Variants in INPP4B observed in about 807,000 individuals in gnomAD.
The protein encoded by INPP4B is inositol polyphosphate-4-phosphatase type II B, also known as inositol polyphosphate 4-phosphatase type II.
In INPP4B, 55 loss-of-function variants were observed where a neutral mutation model predicts 122.5. That is an observed-to-expected ratio of 0.45 (90% CI 0.36 to 0.56). The LOEUF (loss-of-function observed/expected upper bound fraction) is 0.56. INPP4B is among the 20% of genes least tolerant of loss of function. INPP4B has a pLI of 0.00. For missense variants in INPP4B, 1,000 were observed against 1,097.7 expected, an observed-to-expected ratio of 0.91 and a Z score of 1.26; for synonymous variants, 403 against 388.7, an observed-to-expected ratio of 1.04 and a Z score of -0.43.
chr4:142,672,546 C>T (rs1757159680), intron 2 of INPP4B, among the ~76,000 whole-genome samples: 2 of 152,068 alleles, frequency 1.3e-5, no homozygotes, highest in African/African-American at 4.8e-5. Flanking sequence ...TATTTTCCAT[C>T]TTTATATCTC....
At chr4:142,596,963 C>T (rs899874019) in intron 2 of INPP4B, among the ~76,000 whole-genome samples, 1 of 152,144 alleles carries the variant, frequency 6.6e-6, no homozygotes, top group Non-Finnish European at 1.5e-5. Flanking sequence ...TACCCTCAAA[C>T]GAGCAACATC....
At chr4:142,707,420 A>G (rs909218985) in intron 2 of INPP4B, among the ~76,000 whole-genome samples, 8 of 152,138 alleles carry the variant, frequency 5.3e-5, no homozygotes, top group African/African-American at 1.9e-4. Context: ...TTTGTGTCCC[A>G]CTTATGTTGA....
chr4:142,574,500 T>G (rs1292643471), intron 2 of INPP4B, among the ~76,000 whole-genome samples: 1 of 152,048 alleles, frequency 6.6e-6, no homozygotes, highest in Non-Finnish European at 1.5e-5. Context: ...CTTGAGTCAC[T>G]TTCAGCCTTA....
At chr4:142,726,283 T>A (rs1765338525) in intron 1 of INPP4B, among the ~76,000 whole-genome samples, 1 of 152,218 alleles carries the variant, frequency 6.6e-6, no homozygotes, top group African/African-American at 2.4e-5. Flanking sequence ...TGGACTGAAA[T>A]GGAATTTAAA....
chr4:142,158,548 C>A (rs141680757), intron 17 of INPP4B, among the ~76,000 whole-genome samples: 1 of 152,204 alleles, frequency 6.6e-6, no homozygotes, highest in East Asian at 1.9e-4. Flanking sequence ...CAGTTCTGGA[C>A]GTAAAATTTT....
chr4:142,219,717 C>T (rs943528444), intron 12 of INPP4B, among the ~76,000 whole-genome samples: 1 of 152,178 alleles, frequency 6.6e-6, no homozygotes, highest in African/African-American at 2.4e-5. Context: ...CTGGATACCA[C>T]CCCTTTAAAT....
chr4:142,724,543 T>C (rs2150855411), intron 2 of INPP4B, among the ~76,000 whole-genome samples: 1 of 152,270 alleles, frequency 6.6e-6, no homozygotes, highest in East Asian at 1.9e-4. Flanking sequence ...CTTTATAATG[T>C]CCCTATTTGG....
At chr4:142,150,425 C>T (rs910218191) in intron 17 of INPP4B, among the ~76,000 whole-genome samples, 1 of 152,186 alleles carries the variant, frequency 6.6e-6, no homozygotes, top group Non-Finnish European at 1.5e-5. Flanking sequence ...TATTATCTTG[C>T]TAGGTCCCCT....
intron 3 of INPP4B, among the ~76,000 whole-genome samples, chr4:142,445,130 A>G (rs553311666): frequency 3.3e-5 from 5 of 152,252 alleles, no homozygotes; most frequent in Admixed American, 1.3e-4. Flanking sequence ...ATGTATACCT[A>G]TGTAACAAAC....
In INPP4B at chr4:142,023,814, T is replaced by A. The variant is rs1736199210; in HGVS notation, c.*4968A>T. On this transcript the variant is annotated 3_prime_UTR_variant, in exon 26 of 26. Transcript: ENST00000262992. ...ATTTATCAGGCAACATCACTTGTAT[T>A]AGGTCTTCCTTCCCTTGGTACTCAC... The A allele has an allele frequency of 6.6e-6, 1 of 152,184 alleles. No homozygotes were observed. The highest frequency in any genetic ancestry group is 1.5e-5 in the Non-Finnish European group (1 of 68,014). The allele number at this position is 152,184 out of a possible 1,614,324, so 9.4% of individuals were successfully genotyped here. A position where few individuals can be genotyped will look rare whatever the true frequency, so the allele number is the denominator to read the frequency against.
At chr4:142,256,365 T>C (rs1285177927) in intron 11 of INPP4B, among the ~76,000 whole-genome samples, 1 of 151,024 alleles carries the variant, frequency 6.6e-6, no homozygotes, top group African/African-American at 2.4e-5. Flanking sequence ...AGAGCAGAAC[T>C]GAAGGAAATA....
chr4:142,133,947 C>T (rs536753674), intron 18 of INPP4B, among the ~76,000 whole-genome samples: 33 of 152,160 alleles, frequency 2.2e-4, no homozygotes, highest in Non-Finnish European at 4.6e-4. Flanking sequence ...AACCCTTTTA[C>T]GTTGCTCTAT....
chr4:142,429,539 A>C (rs1808837584), intron 4 of INPP4B, among the ~76,000 whole-genome samples: 1 of 152,072 alleles, frequency 6.6e-6, no homozygotes, highest in Non-Finnish European at 1.5e-5. Flanking sequence ...CAATGTAGAC[A>C]GAAGTGGATC....
chr4:142,626,651 T>G (rs894768303), intron 2 of INPP4B, among the ~76,000 whole-genome samples: 2 of 152,016 alleles, frequency 1.3e-5, no homozygotes, highest in African/African-American at 4.8e-5. Flanking sequence ...ACACCCAGAC[T>G]TCTCACCTAT....
intron 2 of INPP4B, among the ~76,000 whole-genome samples, chr4:142,535,052 T>C (rs933169493): frequency 5.9e-5 from 9 of 152,200 alleles, no homozygotes; most frequent in Non-Finnish European, 2.9e-5. Flanking sequence ...TCAATTATCA[T>C]ACATTATCAA....
At chr4:142,665,535 G>T (rs114335791) in intron 2 of INPP4B, among the ~76,000 whole-genome samples, 1 of 147,110 alleles carries the variant, frequency 6.8e-6, no homozygotes, top group Non-Finnish European at 1.5e-5. Context: ...AAAAGAAAAA[G>T]AAACTTATTC....
chr4:142,362,761 C>T (rs923534353), intron 7 of INPP4B, among the ~76,000 whole-genome samples: 5 of 151,962 alleles, frequency 3.3e-5, no homozygotes, highest in African/African-American at 9.7e-5. Flanking sequence ...CACATGTTCT[C>T]ACTCATAAGT....
intron 9 of INPP4B, among the ~76,000 whole-genome samples, chr4:142,285,755 G>A (rs900080380): frequency 3.3e-5 from 5 of 152,028 alleles, no homozygotes; most frequent in Admixed American, 1.3e-4. Context: ...AGGATGATCC[G>A]CCATGCAGAT....
chr4:142,095,446 C>T (rs1039912096), intron 23 of INPP4B, among the ~76,000 whole-genome samples: 3 of 152,098 alleles, frequency 2.0e-5, no homozygotes, highest in African/African-American at 7.2e-5. Context: ...CACCTTTAAT[C>T]GTTTTTCTGT....
Sources: gnomAD v4.1 joint callset for allele counts (sites outside exome capture counted in the v4.1 genomes callset) on GRCh38, gnomAD v4.1.1 for gene constraint, MANE v1.5 for transcripts, NCBI Gene and HGNC (gene_info 2026-07-23, HGNC 2026-07-21) for gene names.